Variants in RASEF observed in about 807,000 individuals in gnomAD.
RASEF encodes the protein RAS and EF-hand domain containing.
A neutral mutation model predicts 90.1 loss-of-function variants in RASEF; 68 were observed. The ratio of observed to expected loss-of-function variants is 0.75; its 90% CI spans 0.62 to 0.92. The LOEUF is 0.92. RASEF is among the 40% of genes least tolerant of loss of function. The pLI, the probability that RASEF is intolerant of heterozygous loss-of-function variation, is 0.00. For missense variants in RASEF, 949 were observed against 937.2 expected, an observed-to-expected ratio of 1.01 and a Z score of -0.16; for synonymous variants, 331 against 345.2, an observed-to-expected ratio of 0.96 and a Z score of 0.46.
the RASEF span, among the ~76,000 whole-genome samples, chr9:83,163,466 T>C: frequency 6.6e-6 from 1 of 152,180 alleles, no homozygotes; most frequent in Non-Finnish European, 1.5e-5. Flanking sequence ...TGATAAGGGC[T>C]CTACTGGATA....
chr9:83,011,150 C>T (rs912600718), intron 5 of RASEF, among the ~76,000 whole-genome samples: 1 of 152,138 alleles, frequency 6.6e-6, no homozygotes, highest in Non-Finnish European at 1.5e-5. Context: ...ATGAAACCCT[C>T]TCCTCCCAAA....
the RASEF span, among the ~76,000 whole-genome samples, chr9:83,153,009 T>C: frequency 6.6e-6 from 1 of 152,204 alleles, no homozygotes; most frequent in Non-Finnish European, 1.5e-5. Context: ...TAAAATACTC[T>C]GTGCTGCTTA....
At chr9:83,124,643 C>G in the RASEF span, among the ~76,000 whole-genome samples, 7 of 152,192 alleles carry the variant, frequency 4.6e-5, no homozygotes, top group South Asian at 2.1e-4. Context: ...ACTACCCTCT[C>G]CCTCCTCAAG....
chr9:83,069,901 A>G, the RASEF span, among the ~76,000 whole-genome samples: 403 of 152,292 alleles, frequency 2.6e-3, no homozygotes, highest in Non-Finnish European at 4.5e-3. Context: ...TTCTCTGTTG[A>G]CTAATGATGT....
At chr9:83,198,308 A>G in the RASEF span, among the ~76,000 whole-genome samples, 2,602 of 152,276 alleles carry the variant, frequency 0.017, 31 homozygotes, top group African/African-American at 0.034. Context: ...TTAGGTAAAG[A>G]CTACTCAATA....
At chr9:83,150,256 C>T in the RASEF span, among the ~76,000 whole-genome samples, 1 of 152,102 alleles carries the variant, frequency 6.6e-6, no homozygotes, top group Admixed American at 6.5e-5. Flanking sequence ...GTTCTGAAAC[C>T]CATCATTTAG....
chr9:83,206,956 C>G, the RASEF span, among the ~76,000 whole-genome samples: 1 of 152,114 alleles, frequency 6.6e-6, no homozygotes, highest in Non-Finnish European at 1.5e-5. Flanking sequence ...CCGTCTAGGC[C>G]GGTCCCTTCA....
chr9:83,054,609 A>C (rs1377117043), intron 1 of RASEF: 1 of 150,108 alleles, frequency 6.7e-6, no homozygotes, highest in Non-Finnish European at 1.5e-5. Flanking sequence ...CCTTTGGAGG[A>C]GGAGAGGTGC....
At chr9:83,057,401 C>G (rs777048765) in intron 1 of RASEF, among the ~76,000 whole-genome samples, 1 of 152,116 alleles carries the variant, frequency 6.6e-6, no homozygotes, top group Non-Finnish European at 1.5e-5. Flanking sequence ...CAATAATGAG[C>G]TGTAGTTATC....
chr9:83,098,020 A>C, the RASEF span, among the ~76,000 whole-genome samples: 1 of 152,154 alleles, frequency 6.6e-6, no homozygotes. Flanking sequence ...TAAATATCTC[A>C]TTGAGGTTAT....
At chr9:83,209,070 G>T in the RASEF span, among the ~76,000 whole-genome samples, 1 of 152,204 alleles carries the variant, frequency 6.6e-6, no homozygotes, top group Admixed American at 6.5e-5. Flanking sequence ...TTTCTCTTGG[G>T]CCCCCACTGG....
the RASEF span, among the ~76,000 whole-genome samples, chr9:83,147,333 T>C: frequency 6.6e-6 from 1 of 152,294 alleles, no homozygotes; most frequent in South Asian, 2.1e-4. Flanking sequence ...AAGCACATCA[T>C]TTCTGCAATA....
intron 5 of RASEF, among the ~76,000 whole-genome samples, chr9:83,011,566 A>AAAAAC (rs1554707068): frequency 2.7e-5 from 4 of 150,520 alleles, no homozygotes; most frequent in Non-Finnish European, 5.9e-5. Flanking sequence ...AAAAAAAAAA[A>AAAAAC]AAAAAAAAAA....
the RASEF span, among the ~76,000 whole-genome samples, chr9:83,171,551 A>C: frequency 6.6e-6 from 1 of 151,902 alleles, no homozygotes; most frequent in South Asian, 2.1e-4. Context: ...CAGTGAAGGC[A>C]TCAGGTCCTG....
chr9:83,024,432 T>C (rs1382413896), intron 2 of RASEF, among the ~76,000 whole-genome samples: 1 of 152,174 alleles, frequency 6.6e-6, no homozygotes, highest in Admixed American at 6.5e-5. Context: ...TATGTGTACC[T>C]ATGTGTGTAC....
chr9:83,125,936 G>C, the RASEF span, among the ~76,000 whole-genome samples: 1 of 152,198 alleles, frequency 6.6e-6, no homozygotes, highest in South Asian at 2.1e-4. Context: ...CATGTGTTGA[G>C]ATCCATGAAC....
At chr9:83,093,832 C>G in the RASEF span, among the ~76,000 whole-genome samples, 1 of 152,218 alleles carries the variant, frequency 6.6e-6, no homozygotes, top group East Asian at 1.9e-4. Flanking sequence ...CGAGAGCGAG[C>G]GAGGGGTGTG....
chr9:83,208,663 C>G, the RASEF span, among the ~76,000 whole-genome samples: 2 of 152,162 alleles, frequency 1.3e-5, no homozygotes, highest in Non-Finnish European at 2.9e-5. Flanking sequence ...CCCTCTCATT[C>G]CTAACTGTAG....
the RASEF span, among the ~76,000 whole-genome samples, chr9:83,186,053 G>A: frequency 6.6e-6 from 1 of 152,200 alleles, no homozygotes; most frequent in African/African-American, 2.4e-5. Context: ...AAGCTACAGT[G>A]ATAAGTATAG....
Sources: gnomAD v4.1 joint callset for allele counts (sites outside exome capture counted in the v4.1 genomes callset) on GRCh38, gnomAD v4.1.1 for gene constraint, MANE v1.5 for transcripts, NCBI Gene and HGNC (gene_info 2026-07-23, HGNC 2026-07-21) for gene names.